RGS17: variants seen among roughly 807,000 people sequenced by gnomAD.
RGS17 encodes the protein regulator of G protein signaling 17, also known as regulator of G-protein signaling 17.
In RGS17, 12 loss-of-function variants were observed where a neutral mutation model predicts 25.5. The observed-to-expected ratio is 0.47, with a 90% CI of 0.30 to 0.76. The LOEUF (loss-of-function observed/expected upper bound fraction) is 0.76. RGS17 is among the 30% of genes least tolerant of loss of function. The probability of loss-of-function intolerance (pLI) is 0.07; values close to 1 mark genes in which losing one functional copy is unlikely to be tolerated. For synonymous variants in RGS17, 71 were observed against 76.9 expected (o/e 0.92, Z 0.40); for missense variants, 196 against 242.2 (o/e 0.81, Z 1.27).
chr6:153,124,450 C>T (rs567919918), intron 1 of RGS17, among the ~76,000 whole-genome samples: 2 of 152,256 alleles, frequency 1.3e-5, no homozygotes, highest in East Asian at 1.9e-4. Context: ...AATTAAAACC[C>T]CTTCAAGCCC....
intron 1 of RGS17, among the ~76,000 whole-genome samples, chr6:153,070,673 T>TTGTGTGTGTGTGTGTGTGTGTG (rs55655703): frequency 5.5e-5 from 8 of 144,980 alleles, no homozygotes; most frequent in Non-Finnish European, 9.0e-5. Context: ...ACATGGAAGA[T>TTGTGTGTGTGTGTGTGTGTGTG]TGTGTGTGTG....
rs1280969051 is a variant in RGS17 at position 153,070,718 on chromosome 6, T to C, written c.-25-26675A>G. Among the ~76,000 whole-genome samples the C allele has an allele frequency of 6.0e-5, 9 of 149,686 alleles. No individual in the cohort carries two copies. The East Asian group carries it at 1.5e-3, about 24-fold the overall frequency. On this transcript the variant is annotated intron_variant, in intron 1 of 4. Coordinates refer to ENST00000206262, the MANE Select transcript of RGS17 (RefSeq NM_012419.5). ...GTGTGTGTGTATATACATATATATATACACATATACATATACACATACATA... is the reference window on the plus strand; with the variant it reads ...GTGTGTGTGTATATACATATATATACACACATATACATATACACATACATA...
intron 1 of RGS17, among the ~76,000 whole-genome samples, chr6:153,090,207 T>A (rs1191902252): frequency 6.6e-6 from 1 of 152,036 alleles, no homozygotes. Flanking sequence ...ACTGAAGGTG[T>A]TTGCTTCTAA....
Position 153,014,379 on chromosome 6 carries a change from G to A in RGS17, c.445-2617C>T, listed in dbSNP as rs1186812606. 7.5e-4 allele frequency among the ~76,000 whole-genome samples: 114 copies of A among 152,156 alleles called. 1 individual carries two copies. Among genetic ancestry groups the A allele is most frequent in the Admixed American group, 7.4e-3 (113 of 15,276 alleles). ...CTACTGCTCATTGACAATGCTCCTG[G>A]TCATCCGAGAGCTTTGATGAAGATG... is the stretch of plus-strand genomic sequence containing the variant. On this transcript the variant is annotated intron_variant, in intron 4 of 4. Transcript: ENST00000206262.
chr6:153,059,771 T>C (rs1776611036), intron 1 of RGS17, among the ~76,000 whole-genome samples: 1 of 152,236 alleles, frequency 6.6e-6, no homozygotes, highest in Non-Finnish European at 1.5e-5. Context: ...AAGCTGATGA[T>C]ATTTCTTCAG....
At chr6:153,036,261 T>A (rs1776238079) in intron 2 of RGS17, among the ~76,000 whole-genome samples, 1 of 152,084 alleles carries the variant, frequency 6.6e-6, no homozygotes, top group Non-Finnish European at 1.5e-5. Flanking sequence ...CTATGTTGCC[T>A]AGGCTGGTCT....
chr6:153,059,083 T>C (rs1584138752), intron 1 of RGS17, among the ~76,000 whole-genome samples: 2 of 152,310 alleles, frequency 1.3e-5, no homozygotes, highest in African/African-American at 4.8e-5. Context: ...CTACTTGATA[T>C]ACAGTCTTCA....
intron 1 of RGS17, among the ~76,000 whole-genome samples, chr6:153,054,388 T>G (rs1416207656): frequency 6.6e-6 from 1 of 151,536 alleles, no homozygotes. Flanking sequence ...TGGTGGCTCA[T>G]GCCTGAAATC....
chr6:153,064,131 A>G (rs904147489), intron 1 of RGS17, among the ~76,000 whole-genome samples: 7 of 152,200 alleles, frequency 4.6e-5, no homozygotes, highest in African/African-American at 7.2e-5. Flanking sequence ...GAAGTTAATA[A>G]GTAATAAGTA....
intron 1 of RGS17, among the ~76,000 whole-genome samples, chr6:153,061,835 A>T (rs1470730816): frequency 6.6e-6 from 1 of 152,182 alleles, no homozygotes; most frequent in African/African-American, 2.4e-5. Flanking sequence ...TTTGTACTTC[A>T]TAATACCTGT....
intron 1 of RGS17, among the ~76,000 whole-genome samples, chr6:153,070,613 T>C (rs1776774970): frequency 6.6e-6 from 1 of 151,324 alleles, no homozygotes. Flanking sequence ...GGTTCTAGAA[T>C]CAATCTTCCA....
chr6:153,015,338 CATTACATGCTATAGA>C (rs962714066), intron 4 of RGS17, among the ~76,000 whole-genome samples: 1 of 152,186 alleles, frequency 6.6e-6, no homozygotes, highest in Admixed American at 6.5e-5. Context: ...TACCAAACAG[CATTACATGCTATAGA>C]GAAATCTTTT....
Position 153,130,520 on chromosome 6 carries a change from T to C in RGS17, c.-26+604A>G, listed in dbSNP as rs564605249. 6.6e-6 allele frequency among the ~76,000 whole-genome samples: 1 copy of C among 151,984 alleles called. No individual in the cohort carries two copies. The highest frequency in any genetic ancestry group is 2.1e-4 in the South Asian group (1 of 4,794). The stretch of plus-strand genomic sequence containing the variant: ...CACACACACACACACCCCTCCGGTA[T>C]TTTACTGCTGGTCAAAGGATTCATT... On this transcript the variant is annotated intron_variant, in intron 1 of 4. Coordinates refer to ENST00000206262, the MANE Select transcript of RGS17 (RefSeq NM_012419.5). This position sits in a 1 kb window ranked among gnomAD's most constrained non-coding sequence, Gnocchi z 6.4.
At chr6:153,050,718 T>TAC (rs1776451207) in intron 1 of RGS17, among the ~76,000 whole-genome samples, 1 of 152,232 alleles carries the variant, frequency 6.6e-6, no homozygotes, top group East Asian at 1.9e-4. Flanking sequence ...TTTATGTTTA[T>TAC]ACACTGGAGA....
At position 153,008,617 on chromosome 6, in the gene RGS17, C is replaced by T. The variant is rs557685627; in HGVS notation, c.*2957G>A. The T allele has an allele frequency of 2.0e-5, 3 of 152,290 alleles. No homozygotes were observed. The South Asian group carries it at 6.2e-4, about 32-fold the overall frequency. 9.4% of individuals were successfully genotyped at this position (152,290 alleles called of 1,614,324 possible). The stretch of plus-strand genomic sequence containing the variant: ...TTATAGATACATCTAAAGTTAGGCA[C>T]TATAGAAAGTGCATTAATCTCTTTC... On this transcript the variant is annotated 3_prime_UTR_variant, in exon 5 of 5. Coordinates refer to ENST00000206262, the MANE Select transcript of RGS17 (RefSeq NM_012419.5).
intron 1 of RGS17, among the ~76,000 whole-genome samples, chr6:153,071,245 C>A (rs1177835812): frequency 1.3e-5 from 2 of 150,928 alleles, no homozygotes; most frequent in Non-Finnish European, 3.0e-5. Flanking sequence ...TACACATAAA[C>A]TATAAGGTAC....
intron 1 of RGS17, among the ~76,000 whole-genome samples, chr6:153,117,838 T>C (rs770348065): frequency 1.3e-5 from 2 of 152,218 alleles, no homozygotes; most frequent in Non-Finnish European, 2.9e-5. Context: ...CTGGCACTGC[T>C]TGGTGTACTA....
intron 2 of RGS17, among the ~76,000 whole-genome samples, chr6:153,043,388 T>C (rs1469761021): frequency 5.3e-5 from 8 of 152,140 alleles, no homozygotes; most frequent in Admixed American, 5.2e-4. Context: ...CTCTCTGTCC[T>C]TATTGGCAGG....
intron 1 of RGS17, among the ~76,000 whole-genome samples, chr6:153,048,274 C>A (rs1488931252): frequency 6.6e-6 from 1 of 152,158 alleles, no homozygotes; most frequent in Admixed American, 6.5e-5. Context: ...ACCAAAAAAT[C>A]CTGGACTCAT....
Sources: gnomAD v4.1 joint callset for allele counts (sites outside exome capture counted in the v4.1 genomes callset) on GRCh38, gnomAD v4.1.1 for gene constraint, Gnocchi (gnomAD v3.1) non-coding constraint, MANE v1.5 for transcripts, NCBI Gene and HGNC (gene_info 2026-07-23, HGNC 2026-07-21) for gene names.